Variants in CPSF2 observed in about 807,000 individuals in gnomAD.
The protein encoded by CPSF2 is cleavage and polyadenylation specific factor 2, also known as cleavage and polyadenylation specificity factor subunit 2.
A neutral mutation model predicts 84.2 loss-of-function variants in CPSF2; 51 were observed. The ratio of observed to expected loss-of-function variants is 0.61; its 90% CI spans 0.48 to 0.77. The LOEUF (loss-of-function observed/expected upper bound fraction) is 0.77. Among genes scored for constraint, CPSF2 ranks in the 30% least tolerant of loss-of-function variants. CPSF2 has a pLI of 0.00. For synonymous variants in CPSF2, 286 were observed against 311.9 expected (o/e 0.92, Z 0.87); for missense variants, 641 against 929.4 (o/e 0.69, Z 4.03).
At chr14:92,144,738 A>C (rs1314806921) in intron 9 of CPSF2, among the ~76,000 whole-genome samples, 1 of 152,186 alleles carries the variant, frequency 6.6e-6, no homozygotes, top group Non-Finnish European at 1.5e-5. Context: ...TTCACATCTC[A>C]AAAGGGGACC....
chr14:92,158,224 T>C (rs1386372107), intron 13 of CPSF2, among the ~76,000 whole-genome samples: 5 of 151,938 alleles, frequency 3.3e-5, no homozygotes, highest in Non-Finnish European at 7.4e-5. Flanking sequence ...GGAAGAGCGT[T>C]CTAGGCAGAG....
chr14:92,159,440 C>T lies in CPSF2; in HGVS notation c.2121+158C>T, dbSNP rs552683257. On this transcript the variant is annotated intron_variant, in intron 14 of 15. Coordinates refer to ENST00000298875, the MANE Select transcript of CPSF2 (RefSeq NM_017437.3). ...AATATATGTCAGCTGGGGGCAGTGA[C>T]TCACGCCTGTAATCCCAGCACTTTG... Among the ~76,000 whole-genome samples, 8 of 152,264 alleles carry T rather than the reference C, an allele frequency of 5.3e-5. No individual in the cohort carries two copies. In the South Asian group the frequency reaches 1.0e-3, roughly 20 times the overall value.
Position 92,156,551 on chromosome 14 carries a change from A to T in CPSF2, c.1515A>T (p.Thr505=), listed in dbSNP as rs2069292538. The change falls in exon 12 of 16, where the codon ACA becomes ACT. Residue 505 remains threonine (T), a synonymous_variant. Transcript: ENST00000298875. ...AAAGCAAATTAGAATCTGGTTTGAC[A>T]AATGGAGATGAACCTATGGATCAGG... ...EEKSKLESGL[T]NGDEPMDQDL... is the part of the protein sequence containing the mutation. 1 of 1,612,812 alleles carries T rather than the reference A, an allele frequency of 6.2e-7. No homozygotes were observed. Among genetic ancestry groups the T allele is most frequent in the Non-Finnish European group, 8.5e-7 (1 of 1,179,120 alleles).
chr14:92,134,489 A>T (rs2068974278), intron 5 of CPSF2, 134 bp downstream of exon 5: 3 of 617,870 alleles, frequency 4.9e-6, no homozygotes, highest in Non-Finnish European at 2.8e-6. Context: ...TTCTGCCTTG[A>T]TACAGAACTC....
In CPSF2 at chr14:92,163,862, C is replaced by T. The variant is rs1483142016; in HGVS notation, c.*2118C>T. The T allele has an allele frequency of 6.6e-6, 1 of 152,638 alleles. No individual in the cohort carries two copies. Among genetic ancestry groups the T allele is most frequent in the Non-Finnish European group, 1.5e-5 (1 of 68,412 alleles). The allele number at this position is 152,638 out of a possible 1,614,324, so 9.5% of individuals were successfully genotyped here. ...TCTCCTGCCTCAGCATCTCGAGTAG[C>T]TGGGATTACAGGCATGCACCACCAC... On this transcript the variant is annotated 3_prime_UTR_variant, in exon 16 of 16. Transcript: ENST00000298875.
chr14:92,139,092 C>T (rs1445202177), intron 7 of CPSF2, among the ~76,000 whole-genome samples: 1 of 151,996 alleles, frequency 6.6e-6, no homozygotes, highest in Non-Finnish European at 1.5e-5. Context: ...ATGTAAAGAC[C>T]TCGTACAAAT....
intron 9 of CPSF2, among the ~76,000 whole-genome samples, chr14:92,146,383 T>C (rs1311262024): frequency 6.6e-6 from 1 of 151,932 alleles, no homozygotes; most frequent in Non-Finnish European, 1.5e-5. Flanking sequence ...TAGCCTGGCG[T>C]GGTGGTGGGC....
intron 3 of CPSF2, 78 bp downstream of exon 3, chr14:92,131,211 T>A: frequency 8.6e-7 from 1 of 1,163,684 alleles, no homozygotes; most frequent in Non-Finnish European, 1.2e-6. Flanking sequence ...TTCGATGTGA[T>A]AAATACTGCC....
chr14:92,123,349 C>G lies in CPSF2; in HGVS notation c.-94+1221C>G, dbSNP rs192281757. Among the ~76,000 whole-genome samples the G allele has an allele frequency of 1.4e-4, 22 of 151,956 alleles. 2 individuals are homozygous for G. Among genetic ancestry groups the G allele is most frequent in the African/African-American group, 4.8e-4 (20 of 41,458 alleles). ...CACCTTGTTGGCCAGGATTATCCGC[C>G]TGCCTCGGCCTCCCAAAGTTCTGGG... On this transcript the variant is annotated intron_variant, in intron 1 of 15. Coordinates refer to ENST00000298875, the MANE Select transcript of CPSF2 (RefSeq NM_017437.3).
chr14:92,171,552 C>T lies in CPSF2; in HGVS notation c.*9808C>T, dbSNP rs1222240368. 1 of 152,254 alleles carries T rather than the reference C, an allele frequency of 6.6e-6. No homozygotes were observed. The highest frequency in any genetic ancestry group is 2.4e-5 in the African/African-American group (1 of 41,436). 9.4% of individuals were successfully genotyped at this position (152,254 alleles called of 1,614,324 possible). On this transcript the variant is annotated 3_prime_UTR_variant, in exon 16 of 16. Coordinates refer to ENST00000298875, the MANE Select transcript of CPSF2 (RefSeq NM_017437.3). ...CTCGTCTTCTATTTTCCCTACCCCG[C>T]TCCTGACATCAGCCATTTCTCCAAA...
intron 2 of CPSF2, among the ~76,000 whole-genome samples, 169 bp from the exon 3 acceptor site, chr14:92,130,782 T>TAA (rs374296504): frequency 6.8e-6 from 1 of 146,966 alleles, no homozygotes; most frequent in African/African-American, 2.5e-5. Flanking sequence ...TGCTTTCACT[T>TAA]AAAAAAAAAA....
rs188899528 is a variant in CPSF2 at position 92,138,351 on chromosome 14, C to A, written c.661+4C>A. The stretch of plus-strand genomic sequence containing the variant: ...CAGAGAGATGAGCAGCTTCTGAGTA[C>A]GTATTCTTTCACGTCCTTATTATTA... On this transcript the variant is annotated splice_donor_region_variant and intron_variant, in intron 7 of 15. Coordinates refer to ENST00000298875, the MANE Select transcript of CPSF2 (RefSeq NM_017437.3). The A allele has an allele frequency of 1.4e-6, 2 of 1,409,386 alleles. No individual in the cohort carries two copies. The highest frequency in any genetic ancestry group is 2.0e-6 in the Non-Finnish European group (2 of 1,023,434). The allele number at this position is 1,409,386 out of a possible 1,614,324, so 87.3% of individuals were successfully genotyped here.
intron 7 of CPSF2, among the ~76,000 whole-genome samples, chr14:92,141,650 G>A (rs2141465013): frequency 6.6e-6 from 1 of 152,196 alleles, no homozygotes. Flanking sequence ...GAGGGACCTG[G>A]GCATCTGATG....
Position 92,162,478 on chromosome 14 carries a change from A to C in CPSF2, c.*734A>C, listed in dbSNP as rs1040666265. 2 of 152,406 alleles carry C rather than the reference A, an allele frequency of 1.3e-5. No individual in the cohort carries two copies. Among genetic ancestry groups the C allele is most frequent in the African/African-American group, 4.8e-5 (2 of 41,458 alleles). The allele number at this position is 152,406 out of a possible 1,614,324, so 9.4% of individuals were successfully genotyped here. ...GTATAGTCTTAAGGGTTCTGCATAC[A>C]TTTTAGAAACATCTTAGCCGTAAGT... On this transcript the variant is annotated 3_prime_UTR_variant, in exon 16 of 16. Transcript: ENST00000298875.
At chr14:92,147,461 CTG>C (rs971444795) in intron 9 of CPSF2, among the ~76,000 whole-genome samples, 31 of 152,190 alleles carry the variant, frequency 2.0e-4, no homozygotes, top group African/African-American at 7.2e-4. Flanking sequence ...TTCTAGAAAT[CTG>C]TTTCTGAATA....
intron 1 of CPSF2, among the ~76,000 whole-genome samples, chr14:92,123,835 C>T (rs552748828): frequency 1.3e-5 from 2 of 152,312 alleles, no homozygotes; most frequent in African/African-American, 4.8e-5. Context: ...ATTTATGCTG[C>T]CTTGACCACT....
At chr14:92,151,466 T>C (rs1234707955) in intron 9 of CPSF2, among the ~76,000 whole-genome samples, 1 of 147,016 alleles carries the variant, frequency 6.8e-6, no homozygotes, top group African/African-American at 2.5e-5. Flanking sequence ...CACAACAGAG[T>C]ATAAAAAGTC....
intron 6 of CPSF2, among the ~76,000 whole-genome samples, chr14:92,136,675 C>G (rs961665108): frequency 8.5e-5 from 13 of 152,312 alleles, no homozygotes; most frequent in African/African-American, 2.9e-4. Context: ...TCTTCTTCTC[C>G]TGACCCCTTC....
chr14:92,160,341 T>G (rs762796462), intron 14 of CPSF2, among the ~76,000 whole-genome samples: 4 of 152,228 alleles, frequency 2.6e-5, no homozygotes, highest in Non-Finnish European at 5.9e-5. Flanking sequence ...TCTTTAAGTA[T>G]AGATATAATT....
Sources: allele counts gnomAD v4.1 joint callset (sites outside exome capture counted in the v4.1 genomes callset), GRCh38; gene constraint gnomAD v4.1.1; transcripts MANE v1.5; gene names NCBI Gene and HGNC (gene_info 2026-07-23, HGNC 2026-07-21).